BST1: variants seen among roughly 807,000 people sequenced by gnomAD.
The protein encoded by BST1 is bone marrow stromal cell antigen 1, also known as ADP-ribosyl cyclase/cyclic ADP-ribose hydrolase 2.
A neutral mutation model predicts 40.6 loss-of-function variants in BST1; 49 were observed. The observed-to-expected ratio is 1.21, with a 90% confidence interval of 0.96 to 1.53. BST1 has a LOEUF of 1.53. Among genes scored for constraint, BST1 ranks in the 40% most tolerant of loss-of-function variants. BST1 has a pLI of 0.00. For synonymous variants in BST1, 157 were observed against 159.3 expected, an observed-to-expected ratio of 0.99 and a Z score of 0.11; for missense variants, 423 against 395.9, an observed-to-expected ratio of 1.07 and a Z score of -0.58.
downstream of BST1, among the ~76,000 whole-genome samples, chr4:15,741,839 T>G (rs1452315482): frequency 6.6e-6 from 1 of 152,188 alleles, no homozygotes; most frequent in Non-Finnish European, 1.5e-5. Context: ...TTATCTCACC[T>G]TTTACAGTAA....
the BST1 span, among the ~76,000 whole-genome samples, chr4:15,754,800 T>C: frequency 1.3e-5 from 2 of 152,238 alleles, no homozygotes; most frequent in Non-Finnish European, 2.9e-5. Flanking sequence ...AAAAATCTCA[T>C]TCCCACTCCT....
At chr4:15,759,958 C>T in the BST1 span, among the ~76,000 whole-genome samples, 1 of 151,946 alleles carries the variant, frequency 6.6e-6, no homozygotes, top group African/African-American at 2.4e-5. Flanking sequence ...AATTTACAAA[C>T]ATAAAATTTA....
rs1328905793 is a variant in BST1 at position 15,711,077 on chromosome 4, A to T, written c.452-730A>T. On this transcript the variant is annotated intron_variant, in intron 3 of 8. Transcript: ENST00000265016. Reference sequence around the variant, plus strand: ...AATGCTGAGATTACAGGCGTGAGCCACTGTGCCCAGTCTATTTTATCTATT... The same window carrying T: ...AATGCTGAGATTACAGGCGTGAGCCTCTGTGCCCAGTCTATTTTATCTATT... Among the ~76,000 whole-genome samples, 3 of 152,222 alleles carry T rather than the reference A, an allele frequency of 2.0e-5. No homozygotes were observed. In the East Asian group the frequency reaches 5.8e-4, roughly 29 times the overall value.
chr4:15,729,647 T>A (rs1721281583), intron 8 of BST1, among the ~76,000 whole-genome samples: 1 of 152,120 alleles, frequency 6.6e-6, no homozygotes, highest in Non-Finnish European at 1.5e-5. Context: ...ATAAATGTAA[T>A]AACAAGAATC....
chr4:15,722,592 A>ATTT (rs1012036868), intron 7 of BST1, among the ~76,000 whole-genome samples: 32 of 120,300 alleles, frequency 2.7e-4, no homozygotes, highest in African/African-American at 3.7e-4. Context: ...TAATTTTTAG[A>ATTT]TTTTTTTTTT....
rs1425655290 is a variant in BST1, at chr4:15,732,103, A to C, written c.*258A>C. On this transcript the variant is annotated 3_prime_UTR_variant, in exon 9 of 9. Transcript: ENST00000265016. Reference sequence around the variant, plus strand: ...TCTTATTTGTATAATGACACAAAGCATTGGGAGTCAGACTGCTTGTATATT... The same window carrying C: ...TCTTATTTGTATAATGACACAAAGCCTTGGGAGTCAGACTGCTTGTATATT... 1 of 1,206,860 alleles carries C rather than the reference A, an allele frequency of 8.3e-7. No individual in the cohort carries two copies. The highest frequency in any genetic ancestry group is 1.0e-6 in the Non-Finnish European group (1 of 968,390). 74.8% of individuals were successfully genotyped at this position (1,206,860 alleles called of 1,614,324 possible).
At chr4:15,757,380 A>G in the BST1 span, among the ~76,000 whole-genome samples, 16 of 152,152 alleles carry the variant, frequency 1.1e-4, no homozygotes, top group African/African-American at 1.4e-4. Context: ...TTCTCCCTGC[A>G]CGAACTGCAG....
At chr4:15,768,793 G>T in the BST1 span, among the ~76,000 whole-genome samples, 34,329 of 152,032 alleles carry the variant, frequency 0.23, 4,174 homozygotes, top group African/African-American at 0.29. Flanking sequence ...ACCGCGCCCG[G>T]CCGATGGACA....
At chr4:15,742,567 A>C (rs933679150), downstream of BST1, among the ~76,000 whole-genome samples, 4 of 152,234 alleles carry the variant, frequency 2.6e-5, no homozygotes, top group Non-Finnish European at 5.9e-5. Flanking sequence ...GTATTCTGTT[A>C]CAGCAACACT....
At chr4:15,711,203 G>T (rs995465215) in intron 3 of BST1, among the ~76,000 whole-genome samples, 2 of 152,162 alleles carry the variant, frequency 1.3e-5, no homozygotes, top group Non-Finnish European at 2.9e-5. Context: ...TTGTAGATTA[G>T]AAATTTTTTT....
At chr4:15,764,592 G>C in the BST1 span, among the ~76,000 whole-genome samples, 1 of 151,978 alleles carries the variant, frequency 6.6e-6, no homozygotes, top group African/African-American at 2.4e-5. Context: ...CATGTGCTAT[G>C]ATGGGCTTAA....
intron 2 of BST1, among the ~76,000 whole-genome samples, 157 bp from the exon 3 acceptor site, chr4:15,707,354 G>T (rs1719934195): frequency 6.6e-6 from 1 of 152,166 alleles, no homozygotes; most frequent in Non-Finnish European, 1.5e-5. Flanking sequence ...GTCTTTGAAT[G>T]AATAAATAAA....
At chr4:15,736,814 C>A (rs745324756), downstream of BST1, among the ~76,000 whole-genome samples, 3 of 152,114 alleles carry the variant, frequency 2.0e-5, no homozygotes, top group Non-Finnish European at 4.4e-5. Flanking sequence ...GTTTTTATGT[C>A]TCTCTCTCTT....
At chr4:15,740,906 T>C (rs373296803), downstream of BST1, among the ~76,000 whole-genome samples, 17 of 152,058 alleles carry the variant, frequency 1.1e-4, no homozygotes, top group African/African-American at 3.4e-4. Flanking sequence ...TTGCTGGCCA[T>C]GCAACCTCTG....
the BST1 span, among the ~76,000 whole-genome samples, chr4:15,771,932 A>G: frequency 2.0e-5 from 3 of 152,198 alleles, no homozygotes; most frequent in Non-Finnish European, 2.9e-5. Context: ...TGTCTTCAAC[A>G]TACATTAGTA....
At chr4:15,764,885 T>TGTGTGTGTGTGTGTGTGG in the BST1 span, among the ~76,000 whole-genome samples, 1 of 151,498 alleles carries the variant, frequency 6.6e-6, no homozygotes, top group Non-Finnish European at 1.5e-5. Context: ...TGTGTGTGTG[T>TGTGTGTGTGTGTGTGTGG]GTGTGTGTGT....
the BST1 span, among the ~76,000 whole-genome samples, chr4:15,749,380 C>G: frequency 6.6e-6 from 1 of 152,164 alleles, no homozygotes. Context: ...AGTTGAGAGT[C>G]TGGATTTTGT....
chr4:15,759,958 CAT>C, the BST1 span, among the ~76,000 whole-genome samples: 35 of 151,946 alleles, frequency 2.3e-4, 1 homozygote, highest in Non-Finnish European at 4.3e-4. Context: ...AATTTACAAA[CAT>C]AAAATTTATC....
the BST1 span, among the ~76,000 whole-genome samples, chr4:15,757,550 A>T: frequency 6.6e-6 from 1 of 152,002 alleles, no homozygotes; most frequent in East Asian, 1.9e-4. Flanking sequence ...GTTAAAGAAA[A>T]CTTCTCCTCA....
Sources: allele counts gnomAD v4.1 joint callset (sites outside exome capture counted in the v4.1 genomes callset), GRCh38; gene constraint gnomAD v4.1.1; transcripts MANE v1.5; gene names NCBI Gene and HGNC (gene_info 2026-07-23, HGNC 2026-07-21).